Variants in FMN2 observed in about 807,000 individuals in gnomAD.
FMN2 encodes formin-2.
Under a neutral mutation model 142.3 loss-of-function variants are expected in FMN2, and 51 were observed. That is an observed-to-expected ratio of 0.36 (90% confidence interval 0.29 to 0.45). FMN2 has a LOEUF of 0.45. Among genes scored for constraint, FMN2 ranks in the 20% least tolerant of loss-of-function variants. The pLI, the probability that FMN2 is intolerant of heterozygous loss-of-function variation, is 1.00. For missense variants in FMN2, 1,936 were observed against 2,122.8 expected (o/e 0.91, Z 1.73); for synonymous variants, 882 against 869.8 (o/e 1.01, Z -0.25).
chr1:240,366,732 G>T (rs747198408), intron 14 of FMN2, among the ~76,000 whole-genome samples: 2 of 151,960 alleles, frequency 1.3e-5, no homozygotes, highest in Non-Finnish European at 2.9e-5. Context: ...TGCATTTTTA[G>T]TAGAGGGGGG....
chr1:240,405,776 A>T (rs1310430584), intron 15 of FMN2, among the ~76,000 whole-genome samples: 2 of 152,116 alleles, frequency 1.3e-5, no homozygotes, highest in East Asian at 1.9e-4. Flanking sequence ...GAAGAAAAAA[A>T]TTTTTTTCTA....
At chr1:240,329,502 T>G (rs755279165) in intron 10 of FMN2, 34 bp downstream of exon 10, 1 of 1,605,024 alleles carries the variant, frequency 6.2e-7, no homozygotes, top group Non-Finnish European at 8.5e-7. Flanking sequence ...TGAACTTGAG[T>G]CTCATTTAAT....
intron 15 of FMN2, among the ~76,000 whole-genome samples, chr1:240,410,687 A>G (rs1674360029): frequency 1.3e-5 from 2 of 152,160 alleles, no homozygotes; most frequent in African/African-American, 4.8e-5. Flanking sequence ...ATTTGTTTCT[A>G]TTTCTGCTAC....
chr1:240,224,437 G>A (rs945527893), intron 6 of FMN2, among the ~76,000 whole-genome samples: 3 of 72,822 alleles, frequency 4.1e-5, no homozygotes, highest in Non-Finnish European at 7.9e-5. Flanking sequence ...GTGCGATGTG[G>A]TGCTGAGAAG....
In FMN2 at chr1:240,096,645, C is replaced by G. The variant is rs574667176; in HGVS notation, c.1615+2921C>G. 3.9e-5 allele frequency among the ~76,000 whole-genome samples: 6 copies of G among 152,312 alleles called. No homozygotes were observed. The South Asian group carries it at 1.2e-3, about 32-fold the overall frequency. On this transcript the variant is annotated intron_variant, in intron 1 of 17. Coordinates refer to ENST00000319653, the MANE Select transcript of FMN2 (RefSeq NM_020066.5). The stretch of plus-strand genomic sequence containing the variant: ...TTTGGATCAATTAATTGCCAGCTGC[C>G]TTTGAAGCAGGTGATCATTATATCT...
rs183662846 is a variant in FMN2 at position 240,366,930 on chromosome 1, C to T, written c.4858+11022C>T. Among the ~76,000 whole-genome samples the T allele has an allele frequency of 1.5e-3, 229 of 152,236 alleles. 1 individual carries two copies. The highest frequency in any genetic ancestry group is 5.2e-3 in the African/African-American group (218 of 41,548). On this transcript the variant is annotated intron_variant, in intron 14 of 17. Coordinates refer to ENST00000319653, the MANE Select transcript of FMN2 (RefSeq NM_020066.5). ...CAATTCCTGATCCACATCCATACTCCCTTTTTGTGTTGCAAACCTAGGAGG... is the reference window on the plus strand; with the variant it reads ...CAATTCCTGATCCACATCCATACTCTCTTTTTGTGTTGCAAACCTAGGAGG...
At chr1:240,345,438 G>A (rs573250287) in intron 13 of FMN2, among the ~76,000 whole-genome samples, 207 of 152,072 alleles carry the variant, frequency 1.4e-3, no homozygotes, top group Non-Finnish European at 1.7e-3. Context: ...AAATTGATTC[G>A]ATCCCATGAG....
chr1:240,366,550 T>TTTA (rs1553369578), intron 14 of FMN2, among the ~76,000 whole-genome samples: 2 of 151,292 alleles, frequency 1.3e-5, no homozygotes, highest in African/African-American at 4.9e-5. Flanking sequence ...TTTTTTTTTT[T>TTTA]AAATTTGAGA....
intron 7 of FMN2, among the ~76,000 whole-genome samples, chr1:240,266,855 C>T (rs989283745): frequency 2.0e-5 from 3 of 151,980 alleles, no homozygotes; most frequent in Non-Finnish European, 4.4e-5. Flanking sequence ...GGAAAGGACT[C>T]CCTATTTAAT....
rs770853247 is a variant in FMN2, at chr1:240,453,112, G to A, written c.5060+14902G>A. ...CCAATTGCTGAAGTAAATTAAAGGA[G>A]ACACAGAGTATAAAACATTTAGCAC... On this transcript the variant is annotated intron_variant, in intron 16 of 17. Coordinates refer to ENST00000319653, the MANE Select transcript of FMN2 (RefSeq NM_020066.5). 7.0e-4 allele frequency among the ~76,000 whole-genome samples: 107 copies of A among 152,148 alleles called. 2 individuals carry two copies. Among genetic ancestry groups the A allele is most frequent in the Non-Finnish European group, 1.0e-4 (7 of 68,018 alleles).
intron 13 of FMN2, among the ~76,000 whole-genome samples, chr1:240,352,910 C>T (rs1295894273): frequency 2.0e-5 from 3 of 152,214 alleles, no homozygotes; most frequent in Non-Finnish European, 4.4e-5. Context: ...TCCCTTTCTA[C>T]ATTTCTGACA....
chr1:240,219,665 T>A (rs1049085598), intron 6 of FMN2, among the ~76,000 whole-genome samples: 3 of 151,966 alleles, frequency 2.0e-5, no homozygotes, highest in Non-Finnish European at 2.9e-5. Context: ...TTGTATTTAT[T>A]TTTTTTTGAG....
intron 1 of FMN2, among the ~76,000 whole-genome samples, chr1:240,112,200 C>T (rs533095457): frequency 2.2e-4 from 32 of 146,860 alleles, no homozygotes; most frequent in African/African-American, 7.1e-4. Context: ...GGTGTGATCT[C>T]GGCTCACTGC....
intron 7 of FMN2, among the ~76,000 whole-genome samples, chr1:240,281,119 C>G (rs979322343): frequency 6.6e-6 from 1 of 152,076 alleles, no homozygotes; most frequent in Non-Finnish European, 1.5e-5. Flanking sequence ...TGAAGCCTAC[C>G]GACTTAATCA....
chr1:240,144,348 C>T (rs561297565), intron 2 of FMN2: 19 of 1,606,030 alleles, frequency 1.2e-5, no homozygotes, highest in African/African-American at 1.1e-4. Context: ...TCATCAGGCA[C>T]CTTGGGCTCC....
rs1056789504 is a variant in FMN2 at position 240,437,910 on chromosome 1, T to G, written c.4911-151T>G. 9 of 918,818 alleles carry G rather than the reference T, an allele frequency of 9.8e-6. No homozygotes were observed. In the South Asian group the frequency reaches 1.4e-4, roughly 15 times the overall value. 56.9% of individuals were successfully genotyped at this position (918,818 alleles called of 1,614,324 possible). The stretch of plus-strand genomic sequence containing the variant: ...ATCCAAAACTCTTAACCTTAAACCA[T>G]AAGAGAGCTACTGTTGGTGCTTGAA... On this transcript the variant is annotated intron_variant, in intron 15 of 17. Transcript: ENST00000319653.
chr1:240,093,838 C>G (rs1366279771), intron 1 of FMN2, 114 bp downstream of exon 1: 3 of 663,764 alleles, frequency 4.5e-6, no homozygotes, highest in East Asian at 3.4e-5. Flanking sequence ...AGTGGCACAT[C>G]TCTTCTCCGT....
intron 2 of FMN2, among the ~76,000 whole-genome samples, chr1:240,132,588 T>G (rs1483558662): frequency 6.6e-6 from 1 of 152,068 alleles, no homozygotes; most frequent in East Asian, 1.9e-4. Flanking sequence ...AGAGTCAACC[T>G]TGAGAAGCAG....
chr1:240,408,717 C>A (rs1674294989), intron 15 of FMN2, among the ~76,000 whole-genome samples: 1 of 151,986 alleles, frequency 6.6e-6, no homozygotes, highest in South Asian at 2.1e-4. Flanking sequence ...AATATTCAAT[C>A]TATGAATCGA....
Sources: gnomAD v4.1 joint callset for allele counts (sites outside exome capture counted in the v4.1 genomes callset) on GRCh38, gnomAD v4.1.1 for gene constraint, MANE v1.5 for transcripts, NCBI Gene and HGNC (gene_info 2026-07-23, HGNC 2026-07-21) for gene names.